CRISPLD1: variants seen among roughly 807,000 people sequenced by gnomAD.
The protein encoded by CRISPLD1 is cysteine-rich secretory protein LCCL domain-containing 1.
Under a neutral mutation model 77.5 loss-of-function variants are expected in CRISPLD1, and 60 were observed. That is an observed-to-expected ratio of 0.77 (90% confidence interval 0.63 to 0.96). The LOEUF (loss-of-function observed/expected upper bound fraction) is 0.96. Ranked by LOEUF, CRISPLD1 falls within the 40% of genes least tolerant of loss-of-function variation. The pLI is 0.00. For synonymous variants in CRISPLD1, 195 were observed against 200.1 expected, an observed-to-expected ratio of 0.97 and a Z score of 0.22; for missense variants, 623 against 615.8, an observed-to-expected ratio of 1.01 and a Z score of -0.12.
chr8:75,018,283 T>C (rs1401387837), intron 10 of CRISPLD1, among the ~76,000 whole-genome samples: 1 of 152,028 alleles, frequency 6.6e-6, no homozygotes, highest in African/African-American at 2.4e-5. Context: ...ATTGTTGTTT[T>C]TCGTTTGTTT....
In CRISPLD1 at chr8:75,032,607, AATC is replaced by A. The variant is rs2128790142; in HGVS notation, c.*369_*371del. 1 of 160,702 alleles carries A rather than the reference AATC, an allele frequency of 6.2e-6. No individual in the cohort carries two copies. Among genetic ancestry groups the A allele is most frequent in the Admixed American group, 6.5e-5 (1 of 15,452 alleles). 10.0% of individuals were successfully genotyped at this position (160,702 alleles called of 1,614,324 possible). A position where few individuals can be genotyped will look rare whatever the true frequency, so the allele number is the denominator to read the frequency against. On this transcript the variant is annotated 3_prime_UTR_variant, in exon 15 of 15. Transcript: ENST00000262207. ...CATTGAATGTGAATGGCCCTCAGAAAATCATCTAGTGCATTTAAAAATAATCGA... is the reference window on the plus strand; with the variant it reads ...CATTGAATGTGAATGGCCCTCAGAAAATCTAGTGCATTTAAAAATAATCGA...
intron 2 of CRISPLD1, among the ~76,000 whole-genome samples, chr8:75,000,722 G>C (rs1812725323): frequency 6.6e-6 from 1 of 151,868 alleles, no homozygotes; most frequent in African/African-American, 2.4e-5. Flanking sequence ...TTACATCCTT[G>C]TCTCTTTCTC....
At chr8:74,985,670 A>G (rs1014259104) in intron 1 of CRISPLD1, among the ~76,000 whole-genome samples, 1 of 150,748 alleles carries the variant, frequency 6.6e-6, no homozygotes, top group Non-Finnish European at 1.5e-5. Flanking sequence ...TACTTTTGCC[A>G]TTTACTTTTG....
At chr8:75,019,123 C>G (rs762758922) in intron 10 of CRISPLD1, among the ~76,000 whole-genome samples, 40 of 151,854 alleles carry the variant, frequency 2.6e-4, no homozygotes, top group Non-Finnish European at 5.4e-4. Flanking sequence ...TATTTTATGC[C>G]TCAAAGAATG....
At chr8:74,996,597 T>C (rs1419892611) in intron 2 of CRISPLD1, among the ~76,000 whole-genome samples, 2 of 151,832 alleles carry the variant, frequency 1.3e-5, no homozygotes, top group African/African-American at 4.8e-5. Flanking sequence ...ACAAAGTCTT[T>C]AAGTCAGGAA....
rs1813005388 is a variant in CRISPLD1, at chr8:75,015,088, G to T, written c.727+176G>T. On this transcript the variant is annotated intron_variant, in intron 6 of 14. Coordinates refer to ENST00000262207, the MANE Select transcript of CRISPLD1 (RefSeq NM_031461.6). Reference sequence around the variant, plus strand: ...AAATATTTATATTACTAATAAGTTTGTTATATGAAATTTTTAAAGTTCCAT... The same window carrying T: ...AAATATTTATATTACTAATAAGTTTTTTATATGAAATTTTTAAAGTTCCAT... Among the ~76,000 whole-genome samples, 3 of 152,068 alleles carry T rather than the reference G, an allele frequency of 2.0e-5. No homozygotes were observed. In the South Asian group the frequency reaches 6.2e-4, roughly 32 times the overall value.
intron 1 of CRISPLD1, among the ~76,000 whole-genome samples, chr8:74,985,667 G>A (rs1009020783): frequency 6.6e-5 from 10 of 151,018 alleles, no homozygotes; most frequent in African/African-American, 2.2e-4. Context: ...GGCTACTTTT[G>A]CCATTTACTT....
chr8:75,008,756 G>A (rs1006002658), intron 2 of CRISPLD1, among the ~76,000 whole-genome samples: 1 of 152,090 alleles, frequency 6.6e-6, no homozygotes, highest in South Asian at 2.1e-4. Flanking sequence ...AAAATCATAA[G>A]TCATACCTTA....
At chr8:75,020,547 T>A (rs1344462893) in intron 12 of CRISPLD1, among the ~76,000 whole-genome samples, 1 of 152,186 alleles carries the variant, frequency 6.6e-6, no homozygotes, top group South Asian at 2.1e-4. Flanking sequence ...CTCTCTTACA[T>A]CCCTTCTTGT....
At chr8:74,997,671 G>A (rs1370876795) in intron 2 of CRISPLD1, among the ~76,000 whole-genome samples, 1 of 152,154 alleles carries the variant, frequency 6.6e-6, no homozygotes, top group African/African-American at 2.4e-5. Flanking sequence ...AGGTTGAGCC[G>A]AAAGAAGTTA....
intron 4 of CRISPLD1, 141 bp from the exon 5 acceptor site, chr8:75,013,846 C>A: frequency 1.0e-5 from 6 of 597,760 alleles, no homozygotes; most frequent in Non-Finnish European, 1.8e-5. Flanking sequence ...AGGAAAAAGA[C>A]CCTTTTTGAT....
At chr8:75,006,701 AT>A in intron 2 of CRISPLD1, among the ~76,000 whole-genome samples, 1 of 152,120 alleles carries the variant, frequency 6.6e-6, no homozygotes, top group Non-Finnish European at 1.5e-5. Context: ...TTACTAATTT[AT>A]TTTATTTATT....
intron 2 of CRISPLD1, among the ~76,000 whole-genome samples, chr8:75,003,576 T>C (rs1397650488): frequency 1.3e-5 from 2 of 152,182 alleles, no homozygotes; most frequent in African/African-American, 4.8e-5. Flanking sequence ...ATATAAAATA[T>C]ACTGGGTTGT....
At chr8:75,012,023 C>T (rs1812940426) in intron 2 of CRISPLD1, among the ~76,000 whole-genome samples, 1 of 152,002 alleles carries the variant, frequency 6.6e-6, no homozygotes, top group African/African-American at 2.4e-5. Flanking sequence ...AGGGACTTGT[C>T]TGACAAATAA....
At chr8:74,987,199 C>T (rs10957744) in intron 2 of CRISPLD1, among the ~76,000 whole-genome samples, 12 of 151,918 alleles carry the variant, frequency 7.9e-5, no homozygotes, top group African/African-American at 2.2e-4. Context: ...TCCTATTGCC[C>T]GTTATAAAGT....
chr8:75,013,573 G>A (rs1451792769), intron 4 of CRISPLD1, among the ~76,000 whole-genome samples: 1 of 152,054 alleles, frequency 6.6e-6, no homozygotes, highest in Non-Finnish European at 1.5e-5. Flanking sequence ...ATAACCAGTG[G>A]CATGATGAAA....
intron 2 of CRISPLD1, among the ~76,000 whole-genome samples, chr8:74,996,709 C>CTTTTTTTTTT (rs1178454369): frequency 1.4e-5 from 1 of 73,348 alleles, no homozygotes; most frequent in African/African-American, 6.1e-5. Context: ...GAGCCAGAAT[C>CTTTTTTTTTT]TTTTTTTTTT....
chr8:74,996,487 T>C (rs114218343), intron 2 of CRISPLD1, among the ~76,000 whole-genome samples: 1,615 of 152,036 alleles, frequency 0.011, 25 homozygotes, highest in African/African-American at 0.036. Context: ...GCTAATCATA[T>C]TGGGTAGTTG....
Position 75,017,395 on chromosome 8 carries a change from C to A in CRISPLD1, c.1072C>A (p.Gln358Lys). ...NDGGWVDITR[Q>K]GRKHYFIKSN... ...TGGTGGCTGGGTAGATATCACTAGA[C>A]AAGGAAGAAAGCATTATTTCATCAA... The change falls in exon 10 of 15, where the codon CAA (glutamine) becomes AAA (lysine). Residue 358 changes from glutamine (Q) to lysine (K), a missense_variant. Gln to Lys is a moderately conservative substitution (Grantham distance 53). Coordinates refer to ENST00000262207, the MANE Select transcript of CRISPLD1 (RefSeq NM_031461.6). 6.2e-7 allele frequency: 1 copy of A among 1,610,428 alleles called. No individual in the cohort carries two copies. The highest frequency in any genetic ancestry group is 8.5e-7 in the Non-Finnish European group (1 of 1,177,958).
Sources: allele counts gnomAD v4.1 joint callset (sites outside exome capture counted in the v4.1 genomes callset), GRCh38; gene constraint gnomAD v4.1.1; transcripts MANE v1.5; gene names NCBI Gene and HGNC (gene_info 2026-07-23, HGNC 2026-07-21).